The following PIP5K1B variants were observed in gnomAD, a reference collection of about 807,000 sequenced individuals.
PIP5K1B encodes phosphatidylinositol-4-phosphate 5-kinase type 1 beta.
PIP5K1B carries 42 observed loss-of-function variants against 67.0 expected under a neutral mutation model. The ratio of observed to expected loss-of-function variants is 0.63; its 90% CI spans 0.49 to 0.81. The LOEUF (loss-of-function observed/expected upper bound fraction) is 0.81. Ranked by LOEUF, PIP5K1B falls within the 30% of genes least tolerant of loss-of-function variation. The pLI is 0.00. For synonymous variants in PIP5K1B, 214 were observed against 231.4 expected, an observed-to-expected ratio of 0.92 and a Z score of 0.68; for missense variants, 459 against 646.3, an observed-to-expected ratio of 0.71 and a Z score of 3.14.
intron 4 of PIP5K1B, among the ~76,000 whole-genome samples, chr9:68,839,001 A>G (rs1213885878): frequency 6.6e-6 from 1 of 151,360 alleles, no homozygotes. Flanking sequence ...ATTTCTTCCT[A>G]TGGGTCTACT....
rs199825164 is a variant in PIP5K1B, at chr9:68,917,725, T to C, written c.949T>C (p.Ser317Pro). The part of the protein sequence containing the change: ...AMESIQGPGK[S>P]GDGIITENPD... Reference sequence around the variant, plus strand: ...GGAATCTATCCAGGGTCCAGGGAAATCTGGAGATGGGATAATCACAGAGAA... The same window carrying C: ...GGAATCTATCCAGGGTCCAGGGAAACCTGGAGATGGGATAATCACAGAGAA... Residue 317 changes from serine to proline, a missense_variant, in exon 9 of 16, where the codon TCT becomes CCT. Around this residue, in one of 2 missense-constraint regions of PIP5K1B, gnomAD observed 290 missense variants for 474.4 expected, o/e 0.61. Transcript: ENST00000265382. 2 of 1,614,098 alleles carry C rather than the reference T, an allele frequency of 1.2e-6. No homozygotes were observed. Among genetic ancestry groups the C allele is most frequent in the Non-Finnish European group, 1.7e-6 (2 of 1,179,968 alleles).
At chr9:68,975,776 G>A (rs530113109) in intron 14 of PIP5K1B, among the ~76,000 whole-genome samples, 39 of 152,304 alleles carry the variant, frequency 2.6e-4, no homozygotes, top group Admixed American at 4.6e-4. Context: ...TGTGCTGGCC[G>A]TCTTTGACAT....
intron 1 of PIP5K1B, among the ~76,000 whole-genome samples, chr9:68,738,824 A>G (rs1267910632): frequency 6.6e-6 from 1 of 152,220 alleles, no homozygotes; most frequent in Non-Finnish European, 1.5e-5. Context: ...TAAACTATCC[A>G]CATTTTCAAC....
chr9:68,894,318 T>C, intron 7 of PIP5K1B, 21 bp from the exon 8 acceptor site: 1 of 1,472,876 alleles, frequency 6.8e-7, no homozygotes. Flanking sequence ...GTAAATATAT[T>C]TTTCTTTTTT....
At chr9:68,886,178 GAA>G (rs879609239) in intron 6 of PIP5K1B, among the ~76,000 whole-genome samples, 1 of 140,222 alleles carries the variant, frequency 7.1e-6, no homozygotes, top group Admixed American at 7.2e-5. Flanking sequence ...GACTCCGTCT[GAA>G]AAAAAAAAAA....
At chr9:68,794,418 C>A (rs76030585) in intron 2 of PIP5K1B, among the ~76,000 whole-genome samples, 1 of 134,416 alleles carries the variant, frequency 7.4e-6, no homozygotes, top group Non-Finnish European at 1.6e-5. Context: ...TTCTTTCTTT[C>A]TTTTCTTTCT....
chr9:68,771,812 G>A (rs1490419942), intron 2 of PIP5K1B, among the ~76,000 whole-genome samples: 2 of 152,150 alleles, frequency 1.3e-5, no homozygotes, highest in African/African-American at 2.4e-5. Flanking sequence ...TAATAAGTGG[G>A]AACTTTCAGA....
Position 68,840,758 on chromosome 9 carries a change from A to C in PIP5K1B, c.69+18075A>C, listed in dbSNP as rs188026491. Among the ~76,000 whole-genome samples, 349 of 152,320 alleles carry C rather than the reference A, an allele frequency of 2.3e-3. 1 individual carries two copies. Among genetic ancestry groups the C allele is most frequent in the African/African-American group, 8.1e-3 (337 of 41,572 alleles). On this transcript the variant is annotated intron_variant, in intron 4 of 15. Transcript: ENST00000265382. ...TACATTAGGCCCACCTGGACAGTCT[A>C]GGACAATCTCCCTAACTCAAGATCA...
chr9:68,780,192 C>A, intron 2 of PIP5K1B: 1 of 1,534,960 alleles, frequency 6.5e-7, no homozygotes, highest in Non-Finnish European at 8.7e-7. Flanking sequence ...GGAGCTAGAC[C>A]TGGAGCTGCC....
At position 68,899,185 on chromosome 9, in the gene PIP5K1B, G is replaced by A. The variant is rs117993310; in HGVS notation, c.771+4547G>A. 7.5e-3 allele frequency among the ~76,000 whole-genome samples: 1,141 copies of A among 152,100 alleles called. 5 individuals carry two copies. Among genetic ancestry groups the A allele is most frequent in the Middle Eastern group, 0.014 (4 of 294 alleles). On this transcript the variant is annotated intron_variant, in intron 8 of 15. Transcript: ENST00000265382. Reference sequence around the variant, plus strand: ...TATGCATGCCTCACTCTGCTGGACCGTTCTTCCCCTCTTCTACACCTGGCC... The same window carrying A: ...TATGCATGCCTCACTCTGCTGGACCATTCTTCCCCTCTTCTACACCTGGCC...
At chr9:68,784,253 A>G (rs1366894821) in intron 2 of PIP5K1B, 2 of 167,124 alleles carry the variant, frequency 1.2e-5, no homozygotes, top group African/African-American at 4.8e-5. Context: ...AAGCATTTTT[A>G]AGGTATTAGT....
chr9:68,986,183 C>T (rs1007417610), intron 14 of PIP5K1B, among the ~76,000 whole-genome samples: 4 of 152,150 alleles, frequency 2.6e-5, no homozygotes, highest in Admixed American at 6.5e-5. Flanking sequence ...GTAGCTGTAC[C>T]GTTTTATCAA....
At chr9:68,837,607 G>GGT (rs758845890) in intron 4 of PIP5K1B, among the ~76,000 whole-genome samples, 4 of 111,876 alleles carry the variant, frequency 3.6e-5, no homozygotes, top group Non-Finnish European at 3.6e-5. Context: ...CTTACTTTGT[G>GGT]TTTTTTTTTT....
chr9:68,862,822 A>AT (rs1564191147), intron 4 of PIP5K1B, among the ~76,000 whole-genome samples: 1 of 144,404 alleles, frequency 6.9e-6, no homozygotes, highest in East Asian at 2.0e-4. Flanking sequence ...TAAATAAATA[A>AT]ATATATATAT....
chr9:68,969,883 A>G (rs1040107771), intron 14 of PIP5K1B, among the ~76,000 whole-genome samples: 3 of 152,198 alleles, frequency 2.0e-5, no homozygotes, highest in Non-Finnish European at 2.9e-5. Flanking sequence ...ACTTTAGAAA[A>G]TCCGTAAAAG....
chr9:68,992,884 C>A (rs529998326), intron 15 of PIP5K1B, among the ~76,000 whole-genome samples: 1 of 139,190 alleles, frequency 7.2e-6, no homozygotes, highest in Admixed American at 7.6e-5. Context: ...CCTGGCTGGG[C>A]GCAGTGGCTC....
intron 14 of PIP5K1B, among the ~76,000 whole-genome samples, chr9:68,971,990 A>G (rs765989373): frequency 1.3e-5 from 2 of 152,118 alleles, no homozygotes; most frequent in Non-Finnish European, 2.9e-5. Flanking sequence ...CTTTAGTTTA[A>G]TTAGATCTCA....
chr9:68,889,988 A>T (rs144695643), intron 7 of PIP5K1B, among the ~76,000 whole-genome samples: 2 of 152,302 alleles, frequency 1.3e-5, no homozygotes, highest in Non-Finnish European at 2.9e-5. Flanking sequence ...TACAATTATC[A>T]CCTTTTTATA....
At chr9:68,751,778 T>C (rs780240946) in intron 2 of PIP5K1B, among the ~76,000 whole-genome samples, 1 of 152,206 alleles carries the variant, frequency 6.6e-6, no homozygotes, top group African/African-American at 2.4e-5. Flanking sequence ...CTGGAATTCA[T>C]TGCTGCACTG....
Sources: allele counts gnomAD v4.1 joint callset (sites outside exome capture counted in the v4.1 genomes callset), GRCh38; gene constraint gnomAD v4.1.1; regional missense constraint gnomAD v4.1.1; transcripts MANE v1.5; gene names NCBI Gene and HGNC (gene_info 2026-07-23, HGNC 2026-07-21).